The following YKT6 variants were observed in gnomAD, a reference collection of about 807,000 sequenced individuals.
YKT6 encodes the protein YKT6 vesicular SNARE protein.
In YKT6, 12 loss-of-function variants were observed where a neutral mutation model predicts 29.3. The ratio of observed to expected loss-of-function variants is 0.41; its 90% CI spans 0.26 to 0.66. YKT6 has a LOEUF of 0.66. YKT6 is among the 30% of genes least tolerant of loss of function. The pLI is 0.32. For synonymous variants in YKT6, 86 were observed against 94.3 expected (o/e 0.91, Z 0.51); for missense variants, 188 against 243.8 (o/e 0.77, Z 1.52).
chr7:44,210,911 G>A (rs778054637), intron 5 of YKT6, 112 bp from the exon 6 acceptor site: 2 of 1,010,748 alleles, frequency 2.0e-6, no homozygotes, highest in Admixed American at 3.7e-5. Context: ...TGAAGTTTGT[G>A]TGTGTTGGAG....
In YKT6 at chr7:44,201,022, A is replaced by C; in HGVS notation, c.-114A>C. On this transcript the variant is annotated 5_prime_UTR_variant, in exon 1 of 7. Transcript: ENST00000223369. The stretch of plus-strand genomic sequence containing the variant: ...GGAAGCCGGCGGTGGCCCCGTCAGC[A>C]GCCGGCTGCTGAGAGGCCGGTAGGC... 2.6e-5 allele frequency: 20 copies of C among 761,630 alleles called. No individual in the cohort carries two copies. Among genetic ancestry groups the C allele is most frequent in the Non-Finnish European group, 2.0e-5 (10 of 512,630 alleles). The allele number at this position is 761,630 out of a possible 1,614,324, so 47.2% of individuals were successfully genotyped here.
In YKT6 at chr7:44,211,085, C is replaced by T. The variant is rs779186621; in HGVS notation, c.522C>T (p.Ser174=). Residue 174 remains serine, a synonymous_variant, in exon 6 of 7, where the codon TCC becomes TCT. Transcript: ENST00000223369. ...GEKLDDLVSK[S]EVLGTQSKAF... is the part of the protein sequence containing the mutation. ...AGCTAGATGACTTGGTGTCCAAATC[C>T]GAGGTGCTGGGAACACAGTCTAAAG... 1.2e-5 allele frequency: 20 copies of T among 1,613,862 alleles called. No individual in the cohort carries two copies. The highest frequency in any genetic ancestry group is 3.3e-5 in the Admixed American group (2 of 59,998).
chr7:44,206,279 G>C, intron 2 of YKT6, 106 bp from the exon 3 acceptor site: 2 of 1,130,148 alleles, frequency 1.8e-6, no homozygotes, highest in Non-Finnish European at 2.6e-6. Flanking sequence ...TTGAGCTTCC[G>C]AGTGGCTTCA....
chr7:44,211,693 C>G, intron 6 of YKT6: 1 of 884,872 alleles, frequency 1.1e-6, no homozygotes, highest in Non-Finnish European at 1.4e-6. Flanking sequence ...TCTGTCCACA[C>G]ACATTTGCTT....
At chr7:44,204,314 G>A (rs1384215800) in intron 1 of YKT6, among the ~76,000 whole-genome samples, 1 of 152,146 alleles carries the variant, frequency 6.6e-6, no homozygotes, top group African/African-American at 2.4e-5. Context: ...ACTGTATCCT[G>A]TGGAAAAACC....
At chr7:44,202,177 C>T (rs2096336446) in intron 1 of YKT6, among the ~76,000 whole-genome samples, 1 of 151,466 alleles carries the variant, frequency 6.6e-6, no homozygotes, top group Non-Finnish European at 1.5e-5. Flanking sequence ...GCAGCTGGTT[C>T]TTGATGAGAG....
At chr7:44,203,376 G>C (rs1342596725) in intron 1 of YKT6, among the ~76,000 whole-genome samples, 1 of 152,198 alleles carries the variant, frequency 6.6e-6, no homozygotes, top group East Asian at 1.9e-4. Flanking sequence ...TTACAGGCTT[G>C]AGCCACCACG....
chr7:44,204,674 T>C, intron 2 of YKT6, 24 bp downstream of exon 2: 1 of 1,613,348 alleles, frequency 6.2e-7, no homozygotes. Flanking sequence ...CCAACTTCTG[T>C]GCGTGTGCTG....
chr7:44,211,135 A>C lies in YKT6; in HGVS notation c.561+11A>C. ...GCCTTCTATAAAACTGTGAGTACCCAGCACCTGCTGCCTCCTGGGTGTTCT... is the reference window on the plus strand; with the variant it reads ...GCCTTCTATAAAACTGTGAGTACCCCGCACCTGCTGCCTCCTGGGTGTTCT... On this transcript the variant is annotated intron_variant, in intron 6 of 6. Transcript: ENST00000223369. 1 of 1,612,524 alleles carries C rather than the reference A, an allele frequency of 6.2e-7. No homozygotes were observed. Among genetic ancestry groups the C allele is most frequent in the Non-Finnish European group, 8.5e-7 (1 of 1,179,086 alleles).
At chr7:44,210,590 G>A (rs1340705907) in intron 5 of YKT6, 2 of 302,334 alleles carry the variant, frequency 6.6e-6, no homozygotes, top group African/African-American at 4.4e-5. Context: ...GGGTTGGGGG[G>A]TGCGGTGTGG....
rs560665146 is a variant in YKT6 at position 44,205,440 on chromosome 7, G to T, written c.187+790G>T. On this transcript the variant is annotated intron_variant, in intron 2 of 6. Coordinates refer to ENST00000223369, the MANE Select transcript of YKT6 (RefSeq NM_006555.4). Reference sequence around the variant, plus strand: ...CATGTTTGAATCTTAATTGGGGATGGTATACAAAATCTGGAGAGCATTGGT... The same window carrying T: ...CATGTTTGAATCTTAATTGGGGATGTTATACAAAATCTGGAGAGCATTGGT... Among the ~76,000 whole-genome samples, 120 of 152,244 alleles carry T rather than the reference G, an allele frequency of 7.9e-4. 1 individual carries two copies. Among genetic ancestry groups the T allele is most frequent in the African/African-American group, 2.6e-3 (109 of 41,542 alleles).
rs146002142 is a variant in YKT6 at position 44,203,518 on chromosome 7, G to A, written c.105-1050G>A. On this transcript the variant is annotated intron_variant, in intron 1 of 6. Coordinates refer to ENST00000223369, the MANE Select transcript of YKT6 (RefSeq NM_006555.4). ...TTTGTATACATGCTGTCACAATGCA[G>A]TTCTTCCTTTGTCTCTTTATAGCCG... Among the ~76,000 whole-genome samples the A allele has an allele frequency of 4.6e-3, 702 of 152,294 alleles. 5 individuals carry two copies. Among genetic ancestry groups the A allele is most frequent in the Middle Eastern group, 0.02 (6 of 294 alleles).
chr7:44,206,365 C>G lies in YKT6; in HGVS notation c.188-20C>G, dbSNP rs1418253793. 6.2e-7 allele frequency: 1 copy of G among 1,612,266 alleles called. No homozygotes were observed. Among genetic ancestry groups the G allele is most frequent in the South Asian group, 1.1e-5 (1 of 91,038 alleles). The stretch of plus-strand genomic sequence containing the variant: ...AGCCCTCATGTCAGCATCCATGTGT[C>G]TGATCTCTTGTCTCCTTAGACTATC... On this transcript the variant is annotated intron_variant, in intron 2 of 6. Transcript: ENST00000223369.
intron 5 of YKT6, among the ~76,000 whole-genome samples, chr7:44,209,282 T>C (rs2096344220): frequency 6.6e-6 from 1 of 152,220 alleles, no homozygotes; most frequent in Admixed American, 6.5e-5. Context: ...ACCTGCATTT[T>C]ATAAAAAGCA....
chr7:44,209,464 C>T (rs2096344388), intron 5 of YKT6, among the ~76,000 whole-genome samples: 2 of 152,226 alleles, frequency 1.3e-5, no homozygotes, highest in Admixed American at 1.3e-4. Flanking sequence ...CTTTCTGTTG[C>T]TCAAGTCCTA....
In YKT6 at chr7:44,211,140, C is replaced by T. The variant is rs1168917043; in HGVS notation, c.561+16C>T. Reference sequence around the variant, plus strand: ...CTATAAAACTGTGAGTACCCAGCACCTGCTGCCTCCTGGGTGTTCTCTCTA... The same window carrying T: ...CTATAAAACTGTGAGTACCCAGCACTTGCTGCCTCCTGGGTGTTCTCTCTA... On this transcript the variant is annotated intron_variant, in intron 6 of 6. Transcript: ENST00000223369. 1 of 1,608,570 alleles carries T rather than the reference C, an allele frequency of 6.2e-7. No homozygotes were observed. The highest frequency in any genetic ancestry group is 8.5e-7 in the Non-Finnish European group (1 of 1,176,020).
chr7:44,211,905 A>G (rs977247294), intron 6 of YKT6, among the ~76,000 whole-genome samples: 12 of 152,226 alleles, frequency 7.9e-5, no homozygotes, highest in African/African-American at 2.9e-4. Flanking sequence ...GAGTGGGGCA[A>G]AGTTAAGATA....
At chr7:44,208,232 T>G in intron 5 of YKT6, 34 bp downstream of exon 5, 1 of 1,611,872 alleles carries the variant, frequency 6.2e-7, no homozygotes, top group Non-Finnish European at 8.5e-7. Flanking sequence ...GCCCAAGAAC[T>G]GAGGCGGGGG....
chr7:44,208,066 C>T, intron 4 of YKT6, 67 bp from the exon 5 acceptor site: 1 of 1,538,868 alleles, frequency 6.5e-7, no homozygotes, highest in Non-Finnish European at 8.9e-7. Context: ...CCAGCTTCCT[C>T]AGTTTTAGGT....
Sources: allele counts gnomAD v4.1 joint callset (sites outside exome capture counted in the v4.1 genomes callset), GRCh38; gene constraint gnomAD v4.1.1; transcripts MANE v1.5; gene names NCBI Gene and HGNC (gene_info 2026-07-23, HGNC 2026-07-21).